PPP1R9A: variants seen among roughly 807,000 people sequenced by gnomAD.
PPP1R9A encodes protein phosphatase 1 regulatory subunit 9A.
Under a neutral mutation model 141.9 loss-of-function variants are expected in PPP1R9A, and 59 were observed. The observed-to-expected ratio is 0.42, with a 90% confidence interval of 0.34 to 0.52. The LOEUF (loss-of-function observed/expected upper bound fraction) is 0.52, where lower values mean the gene tolerates loss of function less well. Ranked by LOEUF, PPP1R9A falls within the 20% of genes least tolerant of loss-of-function variation. PPP1R9A has a pLI of 0.10. For synonymous variants in PPP1R9A, 500 were observed against 569.7 expected (o/e 0.88, Z 1.74); for missense variants, 1,444 against 1,611.9 (o/e 0.90, Z 1.78).
intron 4 of PPP1R9A, among the ~76,000 whole-genome samples, chr7:95,129,070 C>T (rs761817875): frequency 5.3e-5 from 8 of 152,174 alleles, no homozygotes; most frequent in Admixed American, 1.3e-4. Flanking sequence ...CTGAGCATGA[C>T]TAGTTAGCTA....
At chr7:95,180,276 T>C (rs1054332019) in intron 5 of PPP1R9A, among the ~76,000 whole-genome samples, 26 of 152,080 alleles carry the variant, frequency 1.7e-4, no homozygotes, top group Admixed American at 1.2e-3. Context: ...AAATGGGGAA[T>C]GGACACCCTT....
intron 2 of PPP1R9A, among the ~76,000 whole-genome samples, chr7:95,007,180 G>A (rs542565835): frequency 1.3e-5 from 2 of 152,196 alleles, no homozygotes; most frequent in East Asian, 1.9e-4. Flanking sequence ...TTTTTGAATG[G>A]CCATCCTAAA....
chr7:95,204,035 A>C (rs1373601389), intron 7 of PPP1R9A, among the ~76,000 whole-genome samples: 1 of 152,226 alleles, frequency 6.6e-6, no homozygotes, highest in Non-Finnish European at 1.5e-5. Flanking sequence ...CAAATGTCCA[A>C]CAGCAGGTCT....
At chr7:95,114,018 A>T (rs1214103979) in intron 3 of PPP1R9A, among the ~76,000 whole-genome samples, 1 of 152,218 alleles carries the variant, frequency 6.6e-6, no homozygotes, top group African/African-American at 2.4e-5. Context: ...ATACATTTTA[A>T]AACATAAAAG....
chr7:95,167,708 C>T (rs1433824929), intron 5 of PPP1R9A, among the ~76,000 whole-genome samples: 2 of 151,998 alleles, frequency 1.3e-5, no homozygotes, highest in African/African-American at 4.8e-5. Context: ...AAGTTAGTCA[C>T]AGGTTACAAA....
At chr7:94,951,132 G>T (rs1183597765) in intron 2 of PPP1R9A, among the ~76,000 whole-genome samples, 2 of 151,990 alleles carry the variant, frequency 1.3e-5, no homozygotes, top group Non-Finnish European at 2.9e-5. Context: ...TTTGCCTGCA[G>T]ATTTCAGATT....
chr7:94,953,383 C>G (rs1796700247), intron 2 of PPP1R9A, among the ~76,000 whole-genome samples: 1 of 152,156 alleles, frequency 6.6e-6, no homozygotes, highest in African/African-American at 2.4e-5. Context: ...AATTTGAAGT[C>G]AGGTAGCATG....
chr7:95,083,034 C>T (rs1816132121), intron 2 of PPP1R9A, among the ~76,000 whole-genome samples: 1 of 151,812 alleles, frequency 6.6e-6, no homozygotes, highest in African/African-American at 2.4e-5. Context: ...GGATTACAGG[C>T]GTGAGCCACT....
At chr7:95,208,456 G>A (rs1270679179) in intron 7 of PPP1R9A, among the ~76,000 whole-genome samples, 1 of 152,180 alleles carries the variant, frequency 6.6e-6, no homozygotes, top group East Asian at 1.9e-4. Flanking sequence ...TGGGTGTGGT[G>A]GCTTATGCCT....
At chr7:95,075,878 G>A (rs1017928518) in intron 2 of PPP1R9A, among the ~76,000 whole-genome samples, 3 of 152,030 alleles carry the variant, frequency 2.0e-5, no homozygotes, top group African/African-American at 7.2e-5. Context: ...AAGGAAAGGG[G>A]TTTGGGGCTT....
chr7:95,107,607 C>T (rs2152428212), intron 2 of PPP1R9A, among the ~76,000 whole-genome samples: 1 of 151,866 alleles, frequency 6.6e-6, no homozygotes, highest in Non-Finnish European at 1.5e-5. Flanking sequence ...TTAAATAGAC[C>T]ACTCTAATTT....
chr7:95,167,998 C>A (rs1831533267), intron 5 of PPP1R9A, among the ~76,000 whole-genome samples: 1 of 152,062 alleles, frequency 6.6e-6, no homozygotes, highest in Non-Finnish European at 1.5e-5. Flanking sequence ...TCAGTACAAT[C>A]CCTGTCTAAA....
intron 2 of PPP1R9A, among the ~76,000 whole-genome samples, chr7:95,019,976 G>A (rs1484442496): frequency 2.0e-5 from 3 of 152,014 alleles, no homozygotes; most frequent in Non-Finnish European, 2.9e-5. Context: ...GGTGAATGGA[G>A]AAACAAACTG....
At chr7:95,031,687 C>T (rs897481325) in intron 2 of PPP1R9A, among the ~76,000 whole-genome samples, 10 of 149,294 alleles carry the variant, frequency 6.7e-5, no homozygotes, top group Non-Finnish European at 1.3e-4. Flanking sequence ...ACCTGGGAGG[C>T]GGAGGCTGCA....
chr7:95,024,972 G>C (rs1260040479), intron 2 of PPP1R9A, among the ~76,000 whole-genome samples: 2 of 152,082 alleles, frequency 1.3e-5, no homozygotes, highest in Non-Finnish European at 2.9e-5. Context: ...GGCAGGCCTG[G>C]TTGTGAGAAA....
intron 2 of PPP1R9A, among the ~76,000 whole-genome samples, chr7:94,961,347 G>A (rs936860581): frequency 2.0e-5 from 3 of 151,368 alleles, no homozygotes; most frequent in Non-Finnish European, 4.4e-5. Context: ...AATAATATTA[G>A]TATTATTCTA....
Position 94,910,868 on chromosome 7 carries a change from T to G in PPP1R9A, c.755T>G (p.Leu252Arg). 6.2e-7 allele frequency: 1 copy of G among 1,613,962 alleles called. No homozygotes were observed. The change falls in exon 2 of 20, where the codon CTG becomes CGG. Residue 252 changes from leucine (L) to arginine (R), a missense_variant. Leu to Arg is a moderately radical substitution (Grantham distance 102). Coordinates refer to ENST00000433360, the MANE Select transcript of PPP1R9A (RefSeq NM_001166160.2). This position sits in a 1 kb window ranked among gnomAD's most constrained non-coding sequence, Gnocchi z 4.5. ...TVTNLDTFGH[L>R]KDSNSWPPSN... ...ACAAATCTTGACACATTTGGTCACC[T>G]GAAGGATTCTAATTCCTGGCCTCCT...
At chr7:95,067,118 A>T (rs1813053815) in intron 2 of PPP1R9A, among the ~76,000 whole-genome samples, 1 of 152,248 alleles carries the variant, frequency 6.6e-6, no homozygotes, top group Non-Finnish European at 1.5e-5. Context: ...AGTAGAATAA[A>T]GATATTTTTA....
At chr7:95,046,448 G>A (rs969129399) in intron 2 of PPP1R9A, among the ~76,000 whole-genome samples, 1 of 152,172 alleles carries the variant, frequency 6.6e-6, no homozygotes, top group African/African-American at 2.4e-5. Context: ...TCTAAAAGCA[G>A]ATAACCCGAT....
Sources: gnomAD v4.1 joint callset for allele counts (sites outside exome capture counted in the v4.1 genomes callset) on GRCh38, gnomAD v4.1.1 for gene constraint, Gnocchi (gnomAD v3.1) non-coding constraint, MANE v1.5 for transcripts, NCBI Gene and HGNC (gene_info 2026-07-23, HGNC 2026-07-21) for gene names.